ASS1: variants seen among roughly 807,000 people sequenced by gnomAD.
ASS1 encodes the protein argininosuccinate synthase.
Under a neutral mutation model 60.5 loss-of-function variants are expected in ASS1, and 58 were observed. That is an observed-to-expected ratio of 0.96 (90% CI 0.78 to 1.19). ASS1 has a LOEUF of 1.19. Ranked by LOEUF, ASS1 falls within the 50% of genes most tolerant of loss-of-function variation. The pLI, the probability that ASS1 is intolerant of heterozygous loss-of-function variation, is 0.00. For synonymous variants in ASS1, 200 were observed against 206.9 expected, an observed-to-expected ratio of 0.97 and a Z score of 0.29; for missense variants, 454 against 547.3, an observed-to-expected ratio of 0.83 and a Z score of 1.70.
rs1588496397 is a variant in ASS1 at position 130,480,507 on chromosome 9, C to T, written c.838+58C>T. 4 of 1,579,318 alleles carry T rather than the reference C, an allele frequency of 2.5e-6. No individual in the cohort carries two copies. In the East Asian group the frequency reaches 9.0e-5, roughly 36 times the overall value. On this transcript the variant is annotated intron_variant, in intron 11 of 14. Coordinates refer to ENST00000352480, the MANE Select transcript of ASS1 (RefSeq NM_054012.4). Reference sequence around the variant, plus strand: ...TCGGGACCCAGCAAACCCAGAGATCCCTGAGACCCTGTCCCCTTTGGACGC... The same window carrying T: ...TCGGGACCCAGCAAACCCAGAGATCTCTGAGACCCTGTCCCCTTTGGACGC...
intron 11 of ASS1, among the ~76,000 whole-genome samples, chr9:130,484,747 A>T (rs1395386385): frequency 6.6e-6 from 1 of 151,758 alleles, no homozygotes; most frequent in Non-Finnish European, 1.5e-5. Context: ...AAACACACAG[A>T]AATCATCTGT....
chr9:130,489,862 G>A lies in ASS1; in HGVS notation c.970+398G>A. Reference sequence around the variant, plus strand: ...AGCTCCTTGTACACGAGGAAACTGAGGCTCAGAAGGAAAGCATAAAACCAG... The same window carrying A: ...AGCTCCTTGTACACGAGGAAACTGAAGCTCAGAAGGAAAGCATAAAACCAG... On this transcript the variant is annotated intron_variant, in intron 12 of 14. Coordinates refer to ENST00000352480, the MANE Select transcript of ASS1 (RefSeq NM_054012.4). This position sits in a 1 kb window ranked among gnomAD's most constrained non-coding sequence, Gnocchi z 4.1. Among the ~76,000 whole-genome samples the A allele has an allele frequency of 6.6e-6, 1 of 152,258 alleles. No individual in the cohort carries two copies.
intron 11 of ASS1, among the ~76,000 whole-genome samples, chr9:130,487,206 C>T (rs773656340): frequency 3.3e-5 from 5 of 152,182 alleles, no homozygotes; most frequent in Admixed American, 1.3e-4. Flanking sequence ...AGGTTGGCAG[C>T]TAACAGTCGG....
At chr9:130,451,700 C>G in intron 1 of ASS1, 1 of 388,386 alleles carries the variant, frequency 2.6e-6, no homozygotes, top group South Asian at 1.9e-5. Context: ...GGCTGCCTCC[C>G]CAATAGGAAT....
chr9:130,448,753 G>A (rs776098407), intron 1 of ASS1, among the ~76,000 whole-genome samples: 4 of 152,222 alleles, frequency 2.6e-5, no homozygotes, highest in East Asian at 3.9e-4. Context: ...TAGTAGAGAC[G>A]GGGTTTTGCC....
intron 11 of ASS1, among the ~76,000 whole-genome samples, chr9:130,482,346 G>C (rs1846195000): frequency 6.6e-6 from 1 of 151,470 alleles, no homozygotes; most frequent in Admixed American, 6.6e-5. Flanking sequence ...GTGGGTTCCA[G>C]TATTGCACCT....
intron 6 of ASS1, 65 bp downstream of exon 6, chr9:130,466,864 G>A: frequency 6.4e-7 from 1 of 1,561,848 alleles, no homozygotes; most frequent in Non-Finnish European, 8.8e-7. Flanking sequence ...GCACGTCCCT[G>A]CTGGGGGCTG....
intron 1 of ASS1, among the ~76,000 whole-genome samples, chr9:130,448,624 C>T (rs1364223292): frequency 6.6e-6 from 1 of 152,172 alleles, no homozygotes; most frequent in African/African-American, 2.4e-5. Flanking sequence ...AGTGTGGTGG[C>T]ACGATCTTGG....
chr9:130,455,774 C>T (rs983615027), intron 3 of ASS1, among the ~76,000 whole-genome samples: 1 of 152,256 alleles, frequency 6.6e-6, no homozygotes, highest in African/African-American at 2.4e-5. Flanking sequence ...TGCAAGGCCA[C>T]CAGCCCACCT....
chr9:130,472,621 G>A (rs746566038), intron 8 of ASS1, among the ~76,000 whole-genome samples: 1 of 152,184 alleles, frequency 6.6e-6, no homozygotes, highest in Non-Finnish European at 1.5e-5. Flanking sequence ...GTCCAAACCT[G>A]TCACTCAGGA....
At position 130,491,269 on chromosome 9, in the gene ASS1, T is replaced by C. The variant is rs1846442872; in HGVS notation, c.970+1805T>C. Among the ~76,000 whole-genome samples, 1 of 152,104 alleles carries C rather than the reference T, an allele frequency of 6.6e-6. No homozygotes were observed. Among genetic ancestry groups the C allele is most frequent in the African/African-American group, 2.4e-5 (1 of 41,410 alleles). ...GATTGCGACCCCGAAAGGAGGATTTTAGTTACAAAGTGAGAGAGTCATTAA... is the reference window on the plus strand; with the variant it reads ...GATTGCGACCCCGAAAGGAGGATTTCAGTTACAAAGTGAGAGAGTCATTAA... On this transcript the variant is annotated intron_variant, in intron 12 of 14. Coordinates refer to ENST00000352480, the MANE Select transcript of ASS1 (RefSeq NM_054012.4). The surrounding 1 kb of genome is among the most constrained non-coding windows in gnomAD (Gnocchi z 5.3).
In ASS1 at chr9:130,494,060, G is replaced by A. The variant is rs570486504; in HGVS notation, c.971-807G>A. On this transcript the variant is annotated intron_variant, in intron 12 of 14. Coordinates refer to ENST00000352480, the MANE Select transcript of ASS1 (RefSeq NM_054012.4). The surrounding 1 kb of genome is among the most constrained non-coding windows in gnomAD (Gnocchi z 4.3). Reference sequence around the variant, plus strand: ...CCTGGAGAAGTTTCTTAACTTCTCTGAGCCTCCCTTCCTCACCCAGAAAGG... The same window carrying A: ...CCTGGAGAAGTTTCTTAACTTCTCTAAGCCTCCCTTCCTCACCCAGAAAGG... Among the ~76,000 whole-genome samples the A allele has an allele frequency of 6.6e-6, 1 of 152,276 alleles. No individual in the cohort carries two copies. Among genetic ancestry groups the A allele is most frequent in the East Asian group, 1.9e-4 (1 of 5,168 alleles).
intron 1 of ASS1, among the ~76,000 whole-genome samples, chr9:130,449,018 G>C (rs935612874): frequency 6.6e-6 from 1 of 152,320 alleles, no homozygotes; most frequent in South Asian, 2.1e-4. Flanking sequence ...AGCTCATAGT[G>C]GGGGAGAGGG....
chr9:130,458,057 G>A (rs1845488833), intron 3 of ASS1, among the ~76,000 whole-genome samples: 1 of 151,992 alleles, frequency 6.6e-6, no homozygotes, highest in South Asian at 2.1e-4. Flanking sequence ...TACTCAAGAG[G>A]CTGAGGCAGG....
intron 13 of ASS1, among the ~76,000 whole-genome samples, chr9:130,495,461 A>ATG (rs1345439479): frequency 9.0e-6 from 1 of 111,386 alleles, no homozygotes; most frequent in Non-Finnish European, 2.0e-5. Context: ...ATATATATAT[A>ATG]CACATACATA....
In ASS1 at chr9:130,489,536, G is replaced by T; in HGVS notation, c.970+72G>T. 1.9e-6 allele frequency: 3 copies of T among 1,609,510 alleles called. No individual in the cohort carries two copies. The highest frequency in any genetic ancestry group is 2.5e-6 in the Non-Finnish European group (3 of 1,177,552). ...TCCCAAAGTACTATCAGGCTCTCGG[G>T]CCTGGCCCTCCCCTCCGTATCAGCA... On this transcript the variant is annotated intron_variant, in intron 12 of 14. Coordinates refer to ENST00000352480, the MANE Select transcript of ASS1 (RefSeq NM_054012.4). The surrounding 1 kb of genome is among the most constrained non-coding windows in gnomAD (Gnocchi z 4.1).
Position 130,489,490 on chromosome 9 carries a change from C to G in ASS1, c.970+26C>G, listed in dbSNP as rs769512877. The G allele has an allele frequency of 6.2e-7, 1 of 1,613,938 alleles. No homozygotes were observed. The highest frequency in any genetic ancestry group is 8.5e-7 in the Non-Finnish European group (1 of 1,179,922). On this transcript the variant is annotated intron_variant, in intron 12 of 14. Transcript: ENST00000352480. The surrounding 1 kb of genome is among the most constrained non-coding windows in gnomAD (Gnocchi z 4.1). ...GTGCGTAAGACTCTATGGCTGCCCC[C>G]TCTAACCGCCTCACAAGGGATCCCA... is the stretch of plus-strand genomic sequence containing the variant.
intron 4 of ASS1, among the ~76,000 whole-genome samples, chr9:130,462,748 G>A (rs1276470070): frequency 1.3e-5 from 2 of 152,100 alleles, no homozygotes; most frequent in African/African-American, 4.8e-5. Context: ...AAATGTGGCC[G>A]CCCCCACCTC....
In ASS1 at chr9:130,489,255, T is replaced by TGTCA; in HGVS notation, c.839-78_839-77insGTCA. On this transcript the variant is annotated intron_variant, in intron 11 of 14. Transcript: ENST00000352480. The surrounding 1 kb of genome is among the most constrained non-coding windows in gnomAD (Gnocchi z 4.1). ...CTCATTATTATTATTATTTTTTTTT[T>TGTCA]TGTCATTTGCTGACAGTTTGGGTTT... The TGTCA allele has an allele frequency of 1.9e-6, 3 of 1,566,300 alleles. No individual in the cohort carries two copies. The highest frequency in any genetic ancestry group is 2.3e-5 in the South Asian group (2 of 88,394).
Sources: gnomAD v4.1 joint callset for allele counts (sites outside exome capture counted in the v4.1 genomes callset) on GRCh38, gnomAD v4.1.1 for gene constraint, Gnocchi (gnomAD v3.1) non-coding constraint, MANE v1.5 for transcripts, NCBI Gene and HGNC (gene_info 2026-07-23, HGNC 2026-07-21) for gene names.